The following CTR9 variants were observed in gnomAD, a reference collection of about 807,000 sequenced individuals.
CTR9 encodes the protein CTR9 component of Paf1/RNA polymerase II complex.
Under a neutral mutation model 152.1 loss-of-function variants are expected in CTR9, and 41 were observed. The observed-to-expected ratio is 0.27, with a 90% confidence interval of 0.21 to 0.35. The LOEUF (loss-of-function observed/expected upper bound fraction) is 0.35. Ranked by LOEUF, CTR9 falls within the 10% of genes least tolerant of loss-of-function variation. The probability of loss-of-function intolerance (pLI) is 1.00; values close to 1 mark genes in which losing one functional copy is unlikely to be tolerated. For synonymous variants in CTR9, 476 were observed against 496.2 expected, an observed-to-expected ratio of 0.96 and a Z score of 0.54; for missense variants, 917 against 1,424.4, an observed-to-expected ratio of 0.64 and a Z score of 5.73.
chr11:10,775,631 A>G lies in CTR9; in HGVS notation c.3093A>G (p.Glu1031=), dbSNP rs1863220433. The G allele has an allele frequency of 6.3e-7, 1 of 1,588,326 alleles. No individual in the cohort carries two copies. Among genetic ancestry groups the G allele is most frequent in the African/African-American group, 1.3e-5 (1 of 74,158 alleles). The change falls in exon 24 of 25, where the codon GAA becomes GAG. Residue 1031 remains glutamate, a splice_region_variant and synonymous_variant. Coordinates refer to ENST00000361367, the MANE Select transcript of CTR9 (RefSeq NM_014633.5). ...AGGATAAACTTAAAATTGCTGATGA[A>G]GGGTAGGATATTTTCTCTTTGTAAA... is the stretch of plus-strand genomic sequence containing the variant. The part of the protein sequence containing the change: ...SDEDKLKIAD[E]GHPRNSNSNS...
chr11:10,775,820 G>C (rs931469853), intron 24 of CTR9, among the ~76,000 whole-genome samples, 187 bp downstream of exon 24: 4 of 152,142 alleles, frequency 2.6e-5, no homozygotes, highest in African/African-American at 9.7e-5. Context: ...TGCCGAAATG[G>C]CTTCTCCCCA....
chr11:10,759,606 A>C (rs867364967), intron 5 of CTR9, among the ~76,000 whole-genome samples: 2 of 152,220 alleles, frequency 1.3e-5, no homozygotes, highest in African/African-American at 2.4e-5. Context: ...CAGAACGTTT[A>C]TGTGTAGATG....
chr11:10,762,304 G>A (rs934127465), intron 7 of CTR9, among the ~76,000 whole-genome samples: 1 of 152,154 alleles, frequency 6.6e-6, no homozygotes, highest in Non-Finnish European at 1.5e-5. Context: ...GTAAAACATG[G>A]TGTCTGTACT....
intron 21 of CTR9, among the ~76,000 whole-genome samples, chr11:10,773,564 A>G (rs2135382820): frequency 6.6e-6 from 1 of 152,260 alleles, no homozygotes; most frequent in Non-Finnish European, 1.5e-5. Flanking sequence ...GGGCCTAGCC[A>G]AGAACCTCTT....
In CTR9 at chr11:10,751,352, A is replaced by G; in HGVS notation, c.-61A>G. The G allele has an allele frequency of 6.3e-7, 1 of 1,580,946 alleles. No individual in the cohort carries two copies. Among genetic ancestry groups the G allele is most frequent in the South Asian group, 1.1e-5 (1 of 90,338 alleles). ...GTCACTCACCTCTGGATTAGCCTGA[A>G]GCGGAGACTACCGGCTGCGGAGCGG... On this transcript the variant is annotated 5_prime_UTR_variant, in exon 1 of 25. Transcript: ENST00000361367.
intron 2 of CTR9, among the ~76,000 whole-genome samples, chr11:10,753,130 A>G (rs546863263): frequency 6.6e-6 from 1 of 152,348 alleles, no homozygotes; most frequent in African/African-American, 2.4e-5. Flanking sequence ...TCCTATAACA[A>G]CAAAACACTT....
chr11:10,767,969 AG>A lies in CTR9; in HGVS notation c.1851del (p.Gln617HisfsTer37). On this transcript the variant is annotated frameshift_variant, in exon 14 of 25. Coordinates refer to ENST00000361367, the MANE Select transcript of CTR9 (RefSeq NM_014633.5). LOFTEE classifies it high-confidence loss of function. This position sits in a 1 kb window ranked among gnomAD's most constrained non-coding sequence, Gnocchi z 4.0. ...AACGTGTGGCTCCAAACTTTACATCAGCCCACCCGAGATCGAGAAAAGGTAA... is the reference window on the plus strand; with the variant it reads ...AACGTGTGGCTCCAAACTTTACATCACCCACCCGAGATCGAGAAAAGGTAA... Reference protein sequence around the residue: ...LGNVWLQTLHQPTRDREKEKR... With the variant: ...LGNVWLQTLHXPTRDREKEKR... The A allele has an allele frequency of 6.2e-7, 1 of 1,614,072 alleles. No homozygotes were observed.
Position 10,751,611 on chromosome 11 carries a change from G to A in CTR9, c.45+154G>A, listed in dbSNP as rs114369336. ...CAAGGTCTGATCATCATCTTCTTCA[G>A]CCCCTGTGCCCTCTCAGGCTGGGGG... On this transcript the variant is annotated intron_variant, in intron 1 of 24. Coordinates refer to ENST00000361367, the MANE Select transcript of CTR9 (RefSeq NM_014633.5). 7.6e-3 allele frequency among the ~76,000 whole-genome samples: 1,154 copies of A among 152,248 alleles called. 14 individuals carry two copies. The highest frequency in any genetic ancestry group is 0.026 in the African/African-American group (1,086 of 41,526).
chr11:10,768,133 A>G lies in CTR9; in HGVS notation c.1932A>G (p.Ala644=). The part of the protein sequence containing the change: ...AIYKQVLRND[A]KNLYAANGIG... ...ACAAACAAGTACTCAGAAATGATGCAAAGAATCTGTATGCTGCCAATGGCA... is the reference window on the plus strand; with the variant it reads ...ACAAACAAGTACTCAGAAATGATGCGAAGAATCTGTATGCTGCCAATGGCA... Residue 644 remains alanine, a synonymous_variant, in exon 15 of 25, where the codon GCA becomes GCG. Transcript: ENST00000361367. 6.2e-7 allele frequency: 1 copy of G among 1,614,044 alleles called. No individual in the cohort carries two copies.
rs1225288568 is a variant in CTR9 at position 10,774,136 on chromosome 11, A to G, written c.2852A>G (p.Glu951Gly). The change falls in exon 22 of 25, where the codon GAG (glutamate) becomes GGG (glycine). Residue 951 changes from glutamate (E) to glycine (G), a missense_variant. Glu to Gly is a moderately conservative substitution (Grantham distance 98, BLOSUM62 -2). This residue lies in a region of CTR9 where 384 missense variants were observed against 398.4 expected (regional missense o/e 0.96). Transcript: ENST00000361367. ...SGSEQEGEDEEGGERKKKKRR... is the reference protein window; with the variant it reads ...SGSEQEGEDEGGGERKKKKRR... Reference sequence around the variant, plus strand: ...AGTGAACAAGAAGGTGAAGATGAGGAGGGTGGTGAGAGAAAGAAGAAAAAG... The same window carrying G: ...AGTGAACAAGAAGGTGAAGATGAGGGGGGTGGTGAGAGAAAGAAGAAAAAG... 1.2e-6 allele frequency: 2 copies of G among 1,603,302 alleles called. No homozygotes were observed. Among genetic ancestry groups the G allele is most frequent in the African/African-American group, 2.7e-5 (2 of 74,578 alleles).
intron 2 of CTR9, among the ~76,000 whole-genome samples, chr11:10,754,099 C>G (rs1376213164): frequency 6.6e-6 from 1 of 152,184 alleles, no homozygotes; most frequent in Non-Finnish European, 1.5e-5. Context: ...ACTCAAACTC[C>G]TGGGCTCAAG....
Position 10,773,172 on chromosome 11 carries a change from G to A in CTR9, c.2626G>A (p.Glu876Lys), listed in dbSNP as rs745558619. The change falls in exon 21 of 25, where the codon GAA becomes AAA. Residue 876 changes from glutamate (E) to lysine (K), a missense_variant. By Grantham distance (56) the Glu-to-Lys change is moderately conservative. Around this residue, in one of 9 missense-constraint regions of CTR9, gnomAD observed 384 missense variants for 398.4 expected, o/e 0.96. Coordinates refer to ENST00000361367, the MANE Select transcript of CTR9 (RefSeq NM_014633.5). ...AAAGGAAGAGCAAAAGAAACTTTTG[G>A]AACAGCGGGCCCAGTATGTGGAGAA... is the stretch of plus-strand genomic sequence containing the variant. ...REKEEQKKLL[E>K]QRAQYVEKTK... The A allele has an allele frequency of 6.2e-7, 1 of 1,611,140 alleles. No homozygotes were observed. Among genetic ancestry groups the A allele is most frequent in the South Asian group, 1.1e-5 (1 of 90,082 alleles).
At chr11:10,771,714 C>G in intron 19 of CTR9, 98 bp downstream of exon 19, 2 of 809,178 alleles carry the variant, frequency 2.5e-6, no homozygotes, top group South Asian at 1.5e-5. Context: ...TCCTGACCTT[C>G]CACAGGTCAG....
intron 2 of CTR9, among the ~76,000 whole-genome samples, chr11:10,754,757 C>G (rs1458457980): frequency 6.6e-6 from 1 of 152,192 alleles, no homozygotes; most frequent in East Asian, 1.9e-4. Context: ...TAGCATGTAT[C>G]AGTAGTTCAT....
At chr11:10,770,774 G>A (rs946488758) in intron 18 of CTR9, 142 bp downstream of exon 18, 24 of 776,528 alleles carry the variant, frequency 3.1e-5, no homozygotes, top group Non-Finnish European at 4.6e-5. Flanking sequence ...TTCTAAAGGT[G>A]GTCTATTAGA....
intron 2 of CTR9, 59 bp downstream of exon 2, chr11:10,752,829 G>T: frequency 7.3e-7 from 1 of 1,366,630 alleles, no homozygotes; most frequent in Non-Finnish European, 1.0e-6. Flanking sequence ...TGTAGTTTCT[G>T]TTTTCAGATA....
In CTR9 at chr11:10,764,454, T is replaced by C; in HGVS notation, c.1413+18T>C. On this transcript the variant is annotated intron_variant, in intron 11 of 24. Coordinates refer to ENST00000361367, the MANE Select transcript of CTR9 (RefSeq NM_014633.5). ...AGGCTAAGGTAGGAAAATAGAAATA[T>C]TTCCTTCTTTTATACTGAATCAAGT... 6.3e-7 allele frequency: 1 copy of C among 1,588,042 alleles called. No homozygotes were observed.
At chr11:10,771,367 T>A (rs886558901) in intron 18 of CTR9, among the ~76,000 whole-genome samples, 178 bp from the exon 19 acceptor site, 1 of 152,244 alleles carries the variant, frequency 6.6e-6, no homozygotes, top group Non-Finnish European at 1.5e-5. Context: ...ATATTAAATA[T>A]AACTTAGACC....
At chr11:10,773,967 C>G (rs780543167) in intron 21 of CTR9, 45 bp from the exon 22 acceptor site, 7 of 1,427,466 alleles carry the variant, frequency 4.9e-6, no homozygotes, top group Middle Eastern at 1.8e-4. Context: ...TAACCACATT[C>G]CACCAACCAG....
Sources: allele counts gnomAD v4.1 joint callset (sites outside exome capture counted in the v4.1 genomes callset), GRCh38; gene constraint gnomAD v4.1.1; regional missense constraint gnomAD v4.1.1; non-coding constraint Gnocchi (gnomAD v3.1); transcripts MANE v1.5; gene names NCBI Gene and HGNC (gene_info 2026-07-23, HGNC 2026-07-21).